Variants in FGF12 observed in about 807,000 individuals in gnomAD.
FGF12 encodes fibroblast growth factor 12B.
FGF12 carries 14 observed loss-of-function variants against 23.6 expected under a neutral mutation model. The ratio of observed to expected loss-of-function variants is 0.59; its 90% CI spans 0.39 to 0.93. The LOEUF (loss-of-function observed/expected upper bound fraction) is 0.93, where lower values mean the gene tolerates loss of function less well. Among genes scored for constraint, FGF12 ranks in the 40% least tolerant of loss-of-function variants. The pLI, the probability that FGF12 is intolerant of heterozygous loss-of-function variation, is 0.00. For synonymous variants in FGF12, 62 were observed against 77.3 expected (o/e 0.80, Z 1.04); for missense variants, 175 against 217.8 (o/e 0.80, Z 1.24).
rs1721134700 is a variant in FGF12, at chr3:192,409,882, C to G, written c.14-49344G>C. 6.6e-6 allele frequency among the ~76,000 whole-genome samples: 1 copy of G among 151,866 alleles called. No individual in the cohort carries two copies. Among genetic ancestry groups the G allele is most frequent in the African/African-American group, 2.4e-5 (1 of 41,410 alleles). ...TTGCTGCGCGGGTGGCCGCTCAGAG[C>G]CGCGGGCTTGCGGGGCGCCCCCCGC... On this transcript the variant is annotated intron_variant, in intron 2 of 5. Transcript: ENST00000445105. This position sits in a 1 kb window ranked among gnomAD's most constrained non-coding sequence, Gnocchi z 4.8.
intron 2 of FGF12, among the ~76,000 whole-genome samples, chr3:192,724,085 A>C (rs1380507181): frequency 1.4e-5 from 2 of 147,666 alleles, no homozygotes; most frequent in Admixed American, 1.3e-4. Context: ...GGAAGAAAGG[A>C]AGGAAGGAAG....
intron 2 of FGF12, among the ~76,000 whole-genome samples, chr3:192,642,833 T>C (rs1319274759): frequency 2.0e-5 from 3 of 152,258 alleles, no homozygotes; most frequent in Non-Finnish European, 2.9e-5. Context: ...AGCACATCAC[T>C]GCTCTTTGAC....
At chr3:192,658,984 C>T (rs760618839) in intron 2 of FGF12, among the ~76,000 whole-genome samples, 4 of 152,158 alleles carry the variant, frequency 2.6e-5, no homozygotes, top group Admixed American at 6.5e-5. Flanking sequence ...GTTAGTGGTC[C>T]GGCCAGGACG....
chr3:192,211,270 T>G (rs1386517474), intron 4 of FGF12, among the ~76,000 whole-genome samples: 4 of 152,088 alleles, frequency 2.6e-5, no homozygotes, highest in African/African-American at 9.7e-5. Context: ...CAGGATGCTT[T>G]TGAGAGTTGT....
Position 192,335,480 on chromosome 3 carries a change from G to C in FGF12, c.125-16C>G. The C allele has an allele frequency of 6.6e-7, 1 of 1,517,992 alleles. No individual in the cohort carries two copies. The highest frequency in any genetic ancestry group is 9.1e-7 in the Non-Finnish European group (1 of 1,093,484). The allele number at this position is 1,517,992 out of a possible 1,614,324, so 94.0% of individuals were successfully genotyped here. A position where few individuals can be genotyped will look rare whatever the true frequency, so the allele number is the denominator to read the frequency against. On this transcript the variant is annotated splice_polypyrimidine_tract_variant and intron_variant, in intron 3 of 5. Coordinates refer to ENST00000445105, the MANE Select transcript of FGF12 (RefSeq NM_004113.6). ...TTGAAGAGAGCTGGGGGGAGAAAAA[G>C]AAGGGCGGAAAGGATCAGTGACCTT...
intron 2 of FGF12, among the ~76,000 whole-genome samples, chr3:192,434,207 C>T (rs1467242273): frequency 6.6e-6 from 1 of 152,134 alleles, no homozygotes; most frequent in Non-Finnish European, 1.5e-5. Flanking sequence ...GGAGCCCCTC[C>T]CAGAACTTGG....
At chr3:192,333,667 G>A (rs1482429015) in intron 4 of FGF12, among the ~76,000 whole-genome samples, 2 of 152,050 alleles carry the variant, frequency 1.3e-5, no homozygotes, top group African/African-American at 4.8e-5. Context: ...TAATACAAAT[G>A]ACAGATGTAT....
intron 4 of FGF12, among the ~76,000 whole-genome samples, chr3:192,329,627 C>T (rs1717003350): frequency 6.6e-6 from 1 of 152,240 alleles, no homozygotes; most frequent in South Asian, 2.1e-4. Flanking sequence ...GAAAATATAC[C>T]TCTCCTTCAC....
At chr3:192,401,092 A>G in intron 2 of FGF12, among the ~76,000 whole-genome samples, 1 of 152,270 alleles carries the variant, frequency 6.6e-6, no homozygotes, top group East Asian at 1.9e-4. Flanking sequence ...AACAATAATA[A>G]GCCCCACTGT....
intron 4 of FGF12, among the ~76,000 whole-genome samples, chr3:192,305,477 A>G (rs757162251): frequency 7.9e-5 from 12 of 151,860 alleles, no homozygotes; most frequent in Non-Finnish European, 1.8e-4. Context: ...TCTACACGTC[A>G]GTTTGCTCGA....
intron 5 of FGF12, among the ~76,000 whole-genome samples, chr3:192,155,975 C>T (rs995297193): frequency 6.6e-6 from 1 of 152,150 alleles, no homozygotes; most frequent in Non-Finnish European, 1.5e-5. Flanking sequence ...TCAAGAGGGA[C>T]TTTTTCCATC....
chr3:192,407,952 G>T, intron 2 of FGF12: 3 of 1,462,780 alleles, frequency 2.1e-6, no homozygotes, highest in Non-Finnish European at 2.7e-6. Context: ...TTCCACGGGG[G>T]TCCCGAGGTG....
chr3:192,664,851 G>T (rs995770256), intron 2 of FGF12, among the ~76,000 whole-genome samples: 3 of 152,158 alleles, frequency 2.0e-5, no homozygotes, highest in Non-Finnish European at 4.4e-5. Flanking sequence ...ATGGAATAAA[G>T]AATCCAGTAC....
At chr3:192,719,519 G>T (rs149272334) in intron 2 of FGF12, among the ~76,000 whole-genome samples, 55 of 152,202 alleles carry the variant, frequency 3.6e-4, no homozygotes, top group Admixed American at 2.4e-3. Flanking sequence ...TGATTTACAT[G>T]AAAACCTTTA....
chr3:192,656,696 A>T (rs9873551), intron 2 of FGF12, among the ~76,000 whole-genome samples: 85,415 of 151,880 alleles, frequency 0.56, 24,449 homozygotes, highest in East Asian at 0.67. Flanking sequence ...ATTATGGCAT[A>T]CTCTCTCCAA....
At chr3:192,633,752 C>G (rs1715482211) in intron 2 of FGF12, among the ~76,000 whole-genome samples, 4 of 152,176 alleles carry the variant, frequency 2.6e-5, no homozygotes, top group Non-Finnish European at 4.4e-5. Context: ...TATGGAGGCT[C>G]AACTCCCTTC....
intron 4 of FGF12, among the ~76,000 whole-genome samples, chr3:192,283,252 T>A (rs1300673445): frequency 6.6e-6 from 1 of 152,148 alleles, no homozygotes; most frequent in African/African-American, 2.4e-5. Flanking sequence ...CTATTACTAT[T>A]TATGTTATTT....
intron 2 of FGF12, among the ~76,000 whole-genome samples, chr3:192,413,972 C>T (rs1299375805): frequency 6.6e-6 from 1 of 152,076 alleles, no homozygotes; most frequent in Non-Finnish European, 1.5e-5. Context: ...TTTGTAAATT[C>T]CTTTATATAG....
At chr3:192,603,970 A>G (rs1714229558) in intron 2 of FGF12, among the ~76,000 whole-genome samples, 1 of 152,140 alleles carries the variant, frequency 6.6e-6, no homozygotes, top group Non-Finnish European at 1.5e-5. Context: ...TCAACCACAC[A>G]GGACAGACAT....
Sources: allele counts gnomAD v4.1 joint callset (sites outside exome capture counted in the v4.1 genomes callset), GRCh38; gene constraint gnomAD v4.1.1; non-coding constraint Gnocchi (gnomAD v3.1); transcripts MANE v1.5; gene names NCBI Gene and HGNC (gene_info 2026-07-23, HGNC 2026-07-21).